C15orf39: variants seen among roughly 807,000 people sequenced by gnomAD.
The protein encoded by C15orf39 is uncharacterized protein C15orf39.
Under a neutral mutation model 53.9 loss-of-function variants are expected in C15orf39, and 24 were observed. The observed-to-expected ratio is 0.45, with a 90% CI of 0.32 to 0.63. The LOEUF is 0.63. Ranked by LOEUF, C15orf39 falls within the 20% of genes least tolerant of loss-of-function variation. C15orf39 has a pLI of 0.04. For synonymous variants in C15orf39, 569 were observed against 576.5 expected (o/e 0.99, Z 0.19); for missense variants, 1,271 against 1,347.9 (o/e 0.94, Z 0.89).
chr15:75,207,466 C>T lies in C15orf39; in HGVS notation c.1418C>T (p.Pro473Leu). Residue 473 changes from proline to leucine, a missense_variant, in exon 2 of 3, where the codon CCC becomes CTC. Physicochemically the swap from Pro to Leu is moderately conservative, Grantham distance 98. Around this residue, in one of 2 missense-constraint regions of C15orf39, gnomAD observed 994 missense variants for 993.7 expected, o/e 1.00. Coordinates refer to ENST00000394987, the MANE Select transcript of C15orf39 (RefSeq NM_015492.5). ...CGAGACAGTCCAGTTCCCTGTACCC[C>T]CCCAGCACTGCCCCCCTGTGCCCGG... is the stretch of plus-strand genomic sequence containing the variant. ...VIRDSPVPCT[P>L]PALPPCAREC... 6 of 1,613,640 alleles carry T rather than the reference C, an allele frequency of 3.7e-6. No individual in the cohort carries two copies. Among genetic ancestry groups the T allele is most frequent in the Non-Finnish European group, 4.2e-6 (5 of 1,179,998 alleles).
Position 75,206,745 on chromosome 15 carries a change from C to T in C15orf39, c.697C>T (p.Pro233Ser), listed in dbSNP as rs1485329915. 6.2e-7 allele frequency: 1 copy of T among 1,613,550 alleles called. No homozygotes were observed. Among genetic ancestry groups the T allele is most frequent in the Non-Finnish European group, 8.5e-7 (1 of 1,179,830 alleles). Reference sequence around the variant, plus strand: ...CTTCCTGGCCTCCAGGTACACAGGTCCTTACCCTAGGAACTCCAAGCAAGC... The same window carrying T: ...CTTCCTGGCCTCCAGGTACACAGGTTCTTACCCTAGGAACTCCAAGCAAGC... The part of the protein sequence containing the change: ...TGFLASRYTG[P>S]YPRNSKQAMS... The change falls in exon 2 of 3, where the codon CCT becomes TCT. Residue 233 changes from proline to serine, a missense_variant. By Grantham distance (74) the Pro-to-Ser change is moderately conservative. Transcript: ENST00000394987.
In C15orf39 at chr15:75,211,014, G is replaced by C. The variant is rs367787051; in HGVS notation, c.3042G>C (p.Trp1014Cys). 6.2e-7 allele frequency: 1 copy of C among 1,611,404 alleles called. No individual in the cohort carries two copies. ...ARFRSLLETA[W>C]LNGLALPTWG... is the part of the protein sequence containing the mutation. ...TCCGCAGTCTGCTGGAGACCGCCTGGCTCAATGGCCTGGCTCTGCCCACCT... is the reference window on the plus strand; with the variant it reads ...TCCGCAGTCTGCTGGAGACCGCCTGCCTCAATGGCCTGGCTCTGCCCACCT... Residue 1014 changes from tryptophan (W) to cysteine (C), a missense_variant, in exon 3 of 3, where the codon TGG becomes TGC. By Grantham distance (215) the Trp-to-Cys change is radical (BLOSUM62 -2). Transcript: ENST00000394987.
At chr15:75,201,255 C>T (rs2070399464), upstream of C15orf39, among the ~76,000 whole-genome samples, 1 of 152,180 alleles carries the variant, frequency 6.6e-6, no homozygotes, top group Admixed American at 6.5e-5. The surrounding 1 kb of genome is among the most constrained non-coding windows in gnomAD (Gnocchi z 4.7). Flanking sequence ...GGCTGCGCGC[C>T]GGTCTGCCTC....
intron 1 of C15orf39, among the ~76,000 whole-genome samples, chr15:75,204,540 T>C (rs1410629303): frequency 6.6e-6 from 1 of 152,182 alleles, no homozygotes; most frequent in Non-Finnish European, 1.5e-5. Context: ...GGAGTCTCAC[T>C]CTGCTGCCCA....
At chr15:75,209,793 T>C (rs2070470667) in intron 2 of C15orf39, among the ~76,000 whole-genome samples, 1 of 152,122 alleles carries the variant, frequency 6.6e-6, no homozygotes, top group African/African-American at 2.4e-5. Flanking sequence ...TCCATCCCCG[T>C]AGTGGCAGCC....
chr15:75,206,053 C>T lies in C15orf39; in HGVS notation c.5C>T (p.Ala2Val). 13 of 1,599,966 alleles carry T rather than the reference C, an allele frequency of 8.1e-6. No individual in the cohort carries two copies. Among genetic ancestry groups the T allele is most frequent in the Non-Finnish European group, 1.1e-5 (13 of 1,172,896 alleles). Reference sequence around the variant, plus strand: ...GGGCTCGAAGCCTTCACAGCGATGGCAGAGAAGCGACCCCTGAGAACCCTG... The same window carrying T: ...GGGCTCGAAGCCTTCACAGCGATGGTAGAGAAGCGACCCCTGAGAACCCTG... M[A>V]EKRPLRTLGP... The change falls in exon 2 of 3, where the codon GCA becomes GTA. Residue 2 changes from alanine (A) to valine (V), a missense_variant. Coordinates refer to ENST00000394987, the MANE Select transcript of C15orf39 (RefSeq NM_015492.5).
chr15:75,208,793 G>A lies in C15orf39; in HGVS notation c.2745G>A (p.Leu915=). 1.2e-6 allele frequency: 2 copies of A among 1,606,204 alleles called. No homozygotes were observed. The highest frequency in any genetic ancestry group is 1.7e-6 in the Non-Finnish European group (2 of 1,178,914). ...ACATTTACCCCGACCTTCTCGGCCT[G>A]CAGTGGCGCGACTGTGTACGCCGCC... is the stretch of plus-strand genomic sequence containing the variant. ...LPDIYPDLLG[L]QWRDCVRRQL... The change falls in exon 2 of 3, where the codon CTG becomes CTA. Residue 915 remains leucine, a synonymous_variant. Coordinates refer to ENST00000394987, the MANE Select transcript of C15orf39 (RefSeq NM_015492.5).
In C15orf39 at chr15:75,207,421, C is replaced by G. The variant is rs779688889; in HGVS notation, c.1373C>G (p.Ser458Cys). The G allele has an allele frequency of 6.2e-7, 1 of 1,613,484 alleles. No homozygotes were observed. The highest frequency in any genetic ancestry group is 1.7e-5 in the Admixed American group (1 of 60,024). Residue 458 changes from serine (S) to cysteine (C), a missense_variant, in exon 2 of 3, where the codon TCT becomes TGT. Physicochemically the swap from Ser to Cys is moderately radical, Grantham distance 112 (BLOSUM62 -1). Coordinates refer to ENST00000394987, the MANE Select transcript of C15orf39 (RefSeq NM_015492.5). ...EKLQPRLSEH[S>C]GPPIVIRDSP... ...CTCCAGCCCCGGCTCAGTGAGCACT[C>G]TGGGCCGCCCATCGTCATCCGAGAC... is the stretch of plus-strand genomic sequence containing the variant.
In C15orf39 at chr15:75,208,154, C is replaced by A; in HGVS notation, c.2106C>A (p.Thr702=). The change falls in exon 2 of 3, where the codon ACC becomes ACA. Residue 702 remains threonine (T), a synonymous_variant. Transcript: ENST00000394987. ...TCGCTCAACAGCCCTTGTCTGTGAC[C>A]TGCTTCAGCCTGGCACTGCCCAGCC... ...RILAQQPLSV[T]CFSLALPSPP... 1.2e-6 allele frequency: 2 copies of A among 1,613,960 alleles called. No individual in the cohort carries two copies. The highest frequency in any genetic ancestry group is 1.7e-6 in the Non-Finnish European group (2 of 1,180,002).
chr15:75,206,656 C>A lies in C15orf39; in HGVS notation c.608C>A (p.Ser203Tyr). Residue 203 changes from serine to tyrosine, a missense_variant, in exon 2 of 3, where the codon TCC becomes TAC. Ser to Tyr is a moderately radical substitution (Grantham distance 144, BLOSUM62 -2). Coordinates refer to ENST00000394987, the MANE Select transcript of C15orf39 (RefSeq NM_015492.5). ...CCAGCTGAGGGGTCCAGTAAAGACT[C>A]CTCAGGGAGCTTCTCCCCATGCCAG... ...GVPAEGSSKD[S>Y]SGSFSPCQPF... The A allele has an allele frequency of 1.2e-6, 2 of 1,613,724 alleles. No homozygotes were observed. The highest frequency in any genetic ancestry group is 8.5e-7 in the Non-Finnish European group (1 of 1,179,978).
chr15:75,211,064 A>C lies in C15orf39; in HGVS notation c.3092A>C (p.Asp1031Ala). The C allele has an allele frequency of 6.2e-7, 1 of 1,603,564 alleles. No homozygotes were observed. The highest frequency in any genetic ancestry group is 8.5e-7 in the Non-Finnish European group (1 of 1,179,914). Residue 1031 changes from aspartate (D) to alanine (A), a missense_variant, in exon 3 of 3, where the codon GAC (aspartate) becomes GCC (alanine). Physicochemically the swap from Asp to Ala is moderately radical, Grantham distance 126. This residue lies in a region of C15orf39 where 277 missense variants were observed against 354.1 expected (regional missense o/e 0.78). Transcript: ENST00000394987. Reference protein sequence around the residue: ...PTWGHKSSRPDQPSPCPQLLD... With the variant: ...PTWGHKSSRPAQPSPCPQLLD... Reference sequence around the variant, plus strand: ...TGGGGCCACAAGTCCTCAAGACCAGACCAGCCCTCACCCTGCCCACAGCTG... The same window carrying C: ...TGGGGCCACAAGTCCTCAAGACCAGCCCAGCCCTCACCCTGCCCACAGCTG...
chr15:75,208,271 A>G lies in C15orf39; in HGVS notation c.2223A>G (p.Pro741=), dbSNP rs1595956097. The G allele has an allele frequency of 1.3e-6, 2 of 1,581,818 alleles. No individual in the cohort carries two copies. Among genetic ancestry groups the G allele is most frequent in the African/African-American group, 2.7e-5 (2 of 74,124 alleles). The change falls in exon 2 of 3, where the codon CCA becomes CCG. Residue 741 remains proline (P), a synonymous_variant. Transcript: ENST00000394987. ...AGGCTCCAGCTTCAGCCCGGGATCCAGCTCCAGCTCCAGCTCCAGTTGCAG... is the reference window on the plus strand; with the variant it reads ...AGGCTCCAGCTTCAGCCCGGGATCCGGCTCCAGCTCCAGCTCCAGTTGCAG... ...RAQAPASARD[P]APAPAPVAGP...
Position 75,201,942 on chromosome 15 carries a change from A to G in C15orf39, c.-168A>G, listed in dbSNP as rs372162245. On this transcript the variant is annotated 5_prime_UTR_variant, in exon 1 of 3. Transcript: ENST00000394987. This position sits in a 1 kb window ranked among gnomAD's most constrained non-coding sequence, Gnocchi z 4.7. ...GAGGGTTGCTCCGGGCTTGGTGCTCACTGCGACTTCCCGCGCAGGGCCCGG... is the reference window on the plus strand; with the variant it reads ...GAGGGTTGCTCCGGGCTTGGTGCTCGCTGCGACTTCCCGCGCAGGGCCCGG... 6.6e-6 allele frequency: 1 copy of G among 152,040 alleles called. No individual in the cohort carries two copies. The highest frequency in any genetic ancestry group is 1.9e-4 in the East Asian group (1 of 5,166). The allele number at this position is 152,040 out of a possible 1,614,324, so 9.4% of individuals were successfully genotyped here. A position where few individuals can be genotyped will look rare whatever the true frequency, so the allele number is the denominator to read the frequency against.
At chr15:75,209,162 CCT>C (rs1428196414) in intron 2 of C15orf39, 2 of 290,570 alleles carry the variant, frequency 6.9e-6, no homozygotes, top group Admixed American at 4.8e-5. Flanking sequence ...CTGGTTAGGC[CCT>C]GTTTTCTAGC....
At position 75,207,775 on chromosome 15, in the gene C15orf39, T is replaced by G; in HGVS notation, c.1727T>G (p.Leu576Trp). The part of the protein sequence containing the change: ...GSLKEEVALD[L>W]SVRKPTAEAS... ...CTTAAGGAGGAGGTAGCCCTGGATT[T>G]GAGTGTGAGGAAGCCCACAGCAGAG... is the stretch of plus-strand genomic sequence containing the variant. The change falls in exon 2 of 3, where the codon TTG (leucine) becomes TGG (tryptophan). Residue 576 changes from leucine to tryptophan, a missense_variant. By Grantham distance (61) the Leu-to-Trp change is moderately conservative (BLOSUM62 -2). Transcript: ENST00000394987. 2 of 1,611,556 alleles carry G rather than the reference T, an allele frequency of 1.2e-6. No individual in the cohort carries two copies. The highest frequency in any genetic ancestry group is 1.7e-6 in the Non-Finnish European group (2 of 1,178,986).
Position 75,211,507 on chromosome 15 carries a change from C to T in C15orf39, c.*391C>T. ...GTTGTTGTGGGGATGCTGCCTGATACATACCCTGTCACCATTTGGTCTCTG... is the reference window on the plus strand; with the variant it reads ...GTTGTTGTGGGGATGCTGCCTGATATATACCCTGTCACCATTTGGTCTCTG... On this transcript the variant is annotated 3_prime_UTR_variant, in exon 3 of 3. Coordinates refer to ENST00000394987, the MANE Select transcript of C15orf39 (RefSeq NM_015492.5). The T allele has an allele frequency of 5.3e-6, 1 of 188,858 alleles. No individual in the cohort carries two copies. The highest frequency in any genetic ancestry group is 1.1e-5 in the Non-Finnish European group (1 of 92,628). 11.7% of individuals were successfully genotyped at this position (188,858 alleles called of 1,614,324 possible).
Position 75,206,646 on chromosome 15 carries a change from A to G in C15orf39, c.598A>G (p.Ser200Gly). The G allele has an allele frequency of 6.2e-7, 1 of 1,613,726 alleles. No homozygotes were observed. The highest frequency in any genetic ancestry group is 8.5e-7 in the Non-Finnish European group (1 of 1,179,964). Residue 200 changes from serine to glycine, a missense_variant, in exon 2 of 3, where the codon AGT (serine) becomes GGT (glycine). By Grantham distance (56) the Ser-to-Gly change is moderately conservative. Transcript: ENST00000394987. ...GCGGGGGGTGCCAGCTGAGGGGTCC[A>G]GTAAAGACTCCTCAGGGAGCTTCTC... is the stretch of plus-strand genomic sequence containing the variant. Reference protein sequence around the residue: ...FLRGVPAEGSSKDSSGSFSPC... With the variant: ...FLRGVPAEGSGKDSSGSFSPC...
chr15:75,202,578 C>T (rs1257856028), intron 1 of C15orf39, among the ~76,000 whole-genome samples: 1 of 150,514 alleles, frequency 6.6e-6, no homozygotes, highest in Non-Finnish European at 1.5e-5. Context: ...CCCAGGCTGG[C>T]AGGATCGCCC....
chr15:75,203,567 C>T lies in C15orf39; in HGVS notation c.-51+1508C>T, dbSNP rs187406907. Among the ~76,000 whole-genome samples, 6 of 152,280 alleles carry T rather than the reference C, an allele frequency of 3.9e-5. No homozygotes were observed. In the East Asian group the frequency reaches 5.8e-4, roughly 15 times the overall value. Reference sequence around the variant, plus strand: ...GAGTTCTCTGTTGGCTCCCTGAAGCCGCCACCCCTCCCACAAAGACTCCTG... The same window carrying T: ...GAGTTCTCTGTTGGCTCCCTGAAGCTGCCACCCCTCCCACAAAGACTCCTG... On this transcript the variant is annotated intron_variant, in intron 1 of 2. Transcript: ENST00000394987.
Sources: allele counts gnomAD v4.1 joint callset (sites outside exome capture counted in the v4.1 genomes callset), GRCh38; gene constraint gnomAD v4.1.1; regional missense constraint gnomAD v4.1.1; non-coding constraint Gnocchi (gnomAD v3.1); transcripts MANE v1.5; gene names NCBI Gene and HGNC (gene_info 2026-07-23, HGNC 2026-07-21).